PPP1R7: variants seen among roughly 807,000 people sequenced by gnomAD.
PPP1R7 encodes protein phosphatase 1 regulatory subunit 7, also known as protein phosphatase 1 regulatory subunit 22.
A neutral mutation model predicts 45.2 loss-of-function variants in PPP1R7; 18 were observed. The observed-to-expected ratio is 0.40, with a 90% confidence interval of 0.28 to 0.59. The LOEUF is 0.59. Among genes scored for constraint, PPP1R7 ranks in the 20% least tolerant of loss-of-function variants. The pLI, the probability that PPP1R7 is intolerant of heterozygous loss-of-function variation, is 0.46. For missense variants in PPP1R7, 314 were observed against 455.8 expected, an observed-to-expected ratio of 0.69 and a Z score of 2.83; for synonymous variants, 181 against 183.4, an observed-to-expected ratio of 0.99 and a Z score of 0.11.
At chr2:241,177,534 T>C (rs2067928715) in intron 9 of PPP1R7, among the ~76,000 whole-genome samples, 1 of 152,240 alleles carries the variant, frequency 6.6e-6, no homozygotes, top group Non-Finnish European at 1.5e-5. Context: ...AAGAGTCCAT[T>C]GGTCGCCTGA....
chr2:241,151,731 C>T (rs1157158578), intron 1 of PPP1R7, among the ~76,000 whole-genome samples: 1 of 152,204 alleles, frequency 6.6e-6, no homozygotes, highest in Non-Finnish European at 1.5e-5. Context: ...GCTTTTCTCA[C>T]TGTCCCACTC....
rs1384927711 is a variant in PPP1R7, at chr2:241,180,864, A to G, written c.907-1783A>G. Among the ~76,000 whole-genome samples, 3 of 152,222 alleles carry G rather than the reference A, an allele frequency of 2.0e-5. No individual in the cohort carries two copies. In the East Asian group the frequency reaches 5.8e-4, roughly 29 times the overall value. On this transcript the variant is annotated intron_variant, in intron 9 of 9. Coordinates refer to ENST00000234038, the MANE Select transcript of PPP1R7 (RefSeq NM_002712.3). ...TAGGATTTGGAATTCTTGGTTTCCC[A>G]AGGCTGGTACGCACTAGTCCCACAA...
intron 9 of PPP1R7, among the ~76,000 whole-genome samples, chr2:241,177,454 T>G (rs1199469163): frequency 6.6e-6 from 1 of 152,082 alleles, no homozygotes; most frequent in African/African-American, 2.4e-5. Flanking sequence ...TAACCAAGAT[T>G]TAAAAATCAG....
intron 1 of PPP1R7, among the ~76,000 whole-genome samples, chr2:241,151,723 T>G (rs1042655172): frequency 7.9e-5 from 12 of 152,146 alleles, no homozygotes; most frequent in African/African-American, 2.9e-4. Context: ...AAAGCCCGGC[T>G]TTTCTCACTG....
chr2:241,166,590 A>G (rs1220647449), intron 8 of PPP1R7, 149 bp downstream of exon 8: 3 of 670,228 alleles, frequency 4.5e-6, no homozygotes, highest in Admixed American at 2.7e-5. Flanking sequence ...TTCCCATCCT[A>G]AAAACTAAGG....
intron 4 of PPP1R7, 121 bp from the exon 5 acceptor site, chr2:241,159,092 C>G: frequency 8.1e-7 from 1 of 1,229,716 alleles, no homozygotes. Flanking sequence ...TAGGAAACAG[C>G]AGGAGAATGA....
intron 5 of PPP1R7, among the ~76,000 whole-genome samples, chr2:241,159,791 G>A (rs2067544267): frequency 6.6e-6 from 1 of 152,110 alleles, no homozygotes; most frequent in Non-Finnish European, 1.5e-5. Flanking sequence ...AGTGCTTTGG[G>A]AGGCCAAATT....
At chr2:241,172,717 C>T (rs74639766) in intron 9 of PPP1R7, among the ~76,000 whole-genome samples, 2,254 of 151,448 alleles carry the variant, frequency 0.015, 82 homozygotes, top group East Asian at 0.1. Flanking sequence ...TTTATTCTTT[C>T]GTGTGGATCT....
At chr2:241,149,592 G>A, upstream of PPP1R7, 5 of 1,489,238 alleles carry the variant, frequency 3.4e-6, no homozygotes, top group Non-Finnish European at 4.5e-6. Flanking sequence ...CGCGCTAAGG[G>A]TTGCTAGGGA....
chr2:241,173,870 T>C (rs1454205526), intron 9 of PPP1R7, among the ~76,000 whole-genome samples: 1 of 152,230 alleles, frequency 6.6e-6, no homozygotes, highest in East Asian at 1.9e-4. Flanking sequence ...GAATTTTTTA[T>C]TTCAGATACT....
chr2:241,156,067 G>C (rs921453320), intron 2 of PPP1R7, among the ~76,000 whole-genome samples: 1 of 152,166 alleles, frequency 6.6e-6, no homozygotes, highest in Non-Finnish European at 1.5e-5. Context: ...TGTTAAGCTG[G>C]TCTGATGTCA....
In PPP1R7 at chr2:241,166,317, G is replaced by A. The variant is rs2067708410; in HGVS notation, c.715-20G>A. The A allele has an allele frequency of 1.2e-6, 2 of 1,604,852 alleles. No individual in the cohort carries two copies. Among genetic ancestry groups the A allele is most frequent in the Admixed American group, 1.7e-5 (1 of 59,854 alleles). On this transcript the variant is annotated intron_variant, in intron 7 of 9. Transcript: ENST00000234038. Reference sequence around the variant, plus strand: ...TACCTTCTGTACTGTTCTGACAGCTGTGTGCTCTCCCTCTTGCAGAGCAAC... The same window carrying A: ...TACCTTCTGTACTGTTCTGACAGCTATGTGCTCTCCCTCTTGCAGAGCAAC...
At chr2:241,172,840 C>T (rs2067841372) in intron 9 of PPP1R7, among the ~76,000 whole-genome samples, 1 of 151,900 alleles carries the variant, frequency 6.6e-6, no homozygotes, top group African/African-American at 2.4e-5. Context: ...TTTAATTTGC[C>T]TGCATTTTTG....
At chr2:241,181,949 C>T (rs1574741157) in intron 9 of PPP1R7, among the ~76,000 whole-genome samples, 1 of 151,578 alleles carries the variant, frequency 6.6e-6, no homozygotes, top group African/African-American at 2.4e-5. Flanking sequence ...TCCCCTTGTT[C>T]TGGAGATGGC....
At chr2:241,154,179 CAAAAAAAAA>C (rs1167747738) in intron 2 of PPP1R7, among the ~76,000 whole-genome samples, 2 of 50,488 alleles carry the variant, frequency 4.0e-5, no homozygotes, top group African/African-American at 1.4e-4. Flanking sequence ...TACTCCTTCT[CAAAAAAAAA>C]AAAAAAAAAA....
At chr2:241,167,352 G>C (rs2067736430) in intron 8 of PPP1R7, among the ~76,000 whole-genome samples, 1 of 152,220 alleles carries the variant, frequency 6.6e-6, no homozygotes, top group African/African-American at 2.4e-5. Context: ...TTTGCCTGTG[G>C]AAAGTTTGGT....
intron 1 of PPP1R7, 88 bp downstream of exon 1, chr2:241,150,635 C>T (rs2067246770): frequency 1.4e-6 from 2 of 1,382,278 alleles, no homozygotes; most frequent in African/African-American, 1.5e-5. Flanking sequence ...AGAGAAACTC[C>T]ACGTCCTGCC....
chr2:241,174,964 C>T (rs575475470), intron 9 of PPP1R7, among the ~76,000 whole-genome samples: 39 of 152,204 alleles, frequency 2.6e-4, no homozygotes, highest in African/African-American at 7.7e-4. Context: ...TGTGAGCCAC[C>T]GCGCCCGGCC....
intron 8 of PPP1R7, among the ~76,000 whole-genome samples, chr2:241,167,340 A>G (rs189107172): frequency 2.0e-5 from 3 of 152,230 alleles, no homozygotes; most frequent in East Asian, 1.9e-4. Flanking sequence ...GAAAAATTCA[A>G]ATTTGCCTGT....
Sources: allele counts gnomAD v4.1 joint callset (sites outside exome capture counted in the v4.1 genomes callset), GRCh38; gene constraint gnomAD v4.1.1; transcripts MANE v1.5; gene names NCBI Gene and HGNC (gene_info 2026-07-23, HGNC 2026-07-21).